XIRP2: variants seen among roughly 807,000 people sequenced by gnomAD.
The protein encoded by XIRP2 is xin actin-binding repeat-containing protein 2.
XIRP2 carries 236 observed loss-of-function variants against 277.0 expected under a neutral mutation model. That is an observed-to-expected ratio of 0.85 (90% CI 0.77 to 0.95). XIRP2 has a LOEUF of 0.95. XIRP2 is among the 40% of genes least tolerant of loss of function. The pLI is 0.00. For synonymous variants in XIRP2, 1,490 were observed against 1,416.5 expected, an observed-to-expected ratio of 1.05 and a Z score of -1.17; for missense variants, 4,640 against 4,157.5, an observed-to-expected ratio of 1.12 and a Z score of -3.19.
intron 2 of XIRP2, among the ~76,000 whole-genome samples, chr2:166,952,854 CAGTGTAG>C (rs774082500): frequency 6.6e-6 from 1 of 151,830 alleles, no homozygotes; most frequent in Non-Finnish European, 1.5e-5. Flanking sequence ...TCTTCATGGC[CAGTGTAG>C]ATTGATGGAA....
intron 2 of XIRP2, among the ~76,000 whole-genome samples, chr2:166,983,236 T>G (rs1686920474): frequency 6.6e-6 from 1 of 152,184 alleles, no homozygotes; most frequent in Non-Finnish European, 1.5e-5. Context: ...ATTTCCAATA[T>G]AATTTTTAAT....
intron 3 of XIRP2, among the ~76,000 whole-genome samples, chr2:167,205,615 AT>A (rs1330937317): frequency 6.6e-6 from 1 of 152,086 alleles, no homozygotes. Context: ...TATATGAATA[AT>A]TTGTTTTTAA....
chr2:167,063,832 T>G (rs977090275), intron 2 of XIRP2, among the ~76,000 whole-genome samples: 1 of 151,708 alleles, frequency 6.6e-6, no homozygotes, highest in Non-Finnish European at 1.5e-5. Context: ...GTGGGTTTCT[T>G]TTTTAAACAA....
At chr2:167,162,315 G>A (rs1053706036) in intron 3 of XIRP2, among the ~76,000 whole-genome samples, 1 of 152,146 alleles carries the variant, frequency 6.6e-6, no homozygotes, top group Middle Eastern at 3.2e-3. Flanking sequence ...TGCTGTATTA[G>A]TCTGTTCTCA....
intron 2 of XIRP2, among the ~76,000 whole-genome samples, chr2:166,987,849 T>A (rs377637758): frequency 2.6e-5 from 4 of 152,144 alleles, no homozygotes; most frequent in African/African-American, 9.7e-5. Context: ...TTGTAGCCAA[T>A]AGAATAAGGT....
At chr2:167,024,068 T>C (rs1463477441) in intron 2 of XIRP2, among the ~76,000 whole-genome samples, 2 of 152,034 alleles carry the variant, frequency 1.3e-5, no homozygotes, top group South Asian at 2.1e-4. Flanking sequence ...TTTCATGATA[T>C]TGATTCTTCC....
intron 3 of XIRP2, among the ~76,000 whole-genome samples, chr2:167,154,318 A>C (rs912819412): frequency 1.3e-5 from 2 of 151,280 alleles, no homozygotes; most frequent in African/African-American, 4.9e-5. Context: ...GCCCTTTGTC[A>C]GATGAGTAGG....
intron 2 of XIRP2, among the ~76,000 whole-genome samples, chr2:167,066,395 A>C (rs1013079270): frequency 1.6e-4 from 25 of 152,144 alleles, no homozygotes; most frequent in Non-Finnish European, 3.2e-4. Flanking sequence ...CATCACTATC[A>C]GGAAAATGCA....
At chr2:167,211,782 T>C (rs1268775512) in intron 4 of XIRP2, among the ~76,000 whole-genome samples, 1 of 152,206 alleles carries the variant, frequency 6.6e-6, no homozygotes, top group Non-Finnish European at 1.5e-5. Context: ...GCTAAACCAA[T>C]TATGATTATA....
chr2:167,238,371 T>C (rs1694960673), intron 5 of XIRP2, among the ~76,000 whole-genome samples: 1 of 152,142 alleles, frequency 6.6e-6, no homozygotes, highest in South Asian at 2.1e-4. Flanking sequence ...GTCTTTGGCT[T>C]TTTGTAGGAC....
intron 3 of XIRP2, among the ~76,000 whole-genome samples, chr2:167,138,556 T>C (rs1262237413): frequency 6.6e-6 from 1 of 152,224 alleles, no homozygotes; most frequent in Non-Finnish European, 1.5e-5. Flanking sequence ...TGCTCCCGTG[T>C]GCATGTTGGT....
chr2:166,909,683 C>T (rs13419525), intron 2 of XIRP2, among the ~76,000 whole-genome samples: 2,972 of 152,292 alleles, frequency 0.02, 93 homozygotes, highest in African/African-American at 0.067. Context: ...GAGGGCATCC[C>T]TGTCTTGTGC....
rs1695285835 is a variant in XIRP2 at position 167,246,825 on chromosome 2, A to C, written c.5433A>C (p.Gly1811=). ...TTAGTGAAACTGACATCATCCCTGG[A>C]GATGTGCATAACACAGTTAAGGTTT... ...RTVSETDIIP[G]DVHNTVKVFM... is the part of the protein sequence containing the mutation. The change falls in exon 9 of 11, where the codon GGA becomes GGC. Residue 1811 remains glycine, a synonymous_variant. Transcript: ENST00000409195. The C allele has an allele frequency of 6.2e-7, 1 of 1,613,768 alleles. No homozygotes were observed. Among genetic ancestry groups the C allele is most frequent in the African/African-American group, 1.3e-5 (1 of 74,882 alleles).
intron 3 of XIRP2, among the ~76,000 whole-genome samples, chr2:167,148,640 A>G (rs1386055945): frequency 6.6e-6 from 1 of 152,128 alleles, no homozygotes; most frequent in Non-Finnish European, 1.5e-5. Context: ...TTCAGTGGAA[A>G]GACAAGATTG....
At chr2:167,064,822 A>T (rs1328098345) in intron 2 of XIRP2, among the ~76,000 whole-genome samples, 1 of 151,896 alleles carries the variant, frequency 6.6e-6, no homozygotes, top group South Asian at 2.1e-4. Flanking sequence ...ATGGTGTAGC[A>T]TGTCAGAAGT....
At chr2:167,182,486 TG>T (rs1341350608) in intron 3 of XIRP2, among the ~76,000 whole-genome samples, 2 of 152,186 alleles carry the variant, frequency 1.3e-5, no homozygotes, top group African/African-American at 4.8e-5. Flanking sequence ...GAATTTATTA[TG>T]GGGAAGAGTT....
intron 2 of XIRP2, among the ~76,000 whole-genome samples, chr2:167,093,368 G>A (rs1241634015): frequency 1.3e-5 from 2 of 151,968 alleles, no homozygotes; most frequent in Non-Finnish European, 2.9e-5. Flanking sequence ...TGCAGAACAT[G>A]CAGGTTTATT....
chr2:167,258,691 C>A lies in XIRP2; in HGVS notation c.*874C>A, dbSNP rs1419127496. ...ATAATAATAACAATTATGTAGCAGT[C>A]TCATATCTGAATAATTGCAGGCAGA... On this transcript the variant is annotated 3_prime_UTR_variant, in exon 11 of 11. Coordinates refer to ENST00000409195, the MANE Select transcript of XIRP2 (RefSeq NM_152381.6). 3.7e-6 allele frequency: 6 copies of A among 1,612,700 alleles called. No homozygotes were observed. In the Admixed American group the frequency reaches 5.0e-5, roughly 13 times the overall value.
At chr2:166,988,510 G>A (rs1687077121) in intron 2 of XIRP2, among the ~76,000 whole-genome samples, 1 of 134,294 alleles carries the variant, frequency 7.4e-6, no homozygotes, top group Non-Finnish European at 1.6e-5. Context: ...CCCAGCGTGA[G>A]CGACGCAGAA....
Sources: allele counts gnomAD v4.1 joint callset (sites outside exome capture counted in the v4.1 genomes callset), GRCh38; gene constraint gnomAD v4.1.1; transcripts MANE v1.5; gene names NCBI Gene and HGNC (gene_info 2026-07-23, HGNC 2026-07-21).